GRIK1: variants seen among roughly 807,000 people sequenced by gnomAD.
GRIK1 encodes glutamate ionotropic receptor kainate type subunit 1.
GRIK1 carries 69 observed loss-of-function variants against 105.7 expected under a neutral mutation model. The observed-to-expected ratio is 0.65, with a 90% CI of 0.54 to 0.80. The LOEUF (loss-of-function observed/expected upper bound fraction) is 0.80. Ranked by LOEUF, GRIK1 falls within the 30% of genes least tolerant of loss-of-function variation. GRIK1 has a pLI of 0.00. For missense variants in GRIK1, 1,109 were observed against 1,167.3 expected, an observed-to-expected ratio of 0.95 and a Z score of 0.73; for synonymous variants, 438 against 431.3, an observed-to-expected ratio of 1.02 and a Z score of -0.19.
chr21:29,862,274 C>G (rs968260661), intron 1 of GRIK1, among the ~76,000 whole-genome samples: 4 of 152,196 alleles, frequency 2.6e-5, no homozygotes, highest in African/African-American at 9.7e-5. Flanking sequence ...AGGCATGAAT[C>G]ATCACACCTG....
intron 13 of GRIK1, among the ~76,000 whole-genome samples, chr21:29,579,504 G>T (rs2090968474): frequency 6.6e-6 from 1 of 152,136 alleles, no homozygotes; most frequent in Non-Finnish European, 1.5e-5. Flanking sequence ...CTTTGCTCAC[G>T]CTCTGTAGAA....
At chr21:29,754,121 A>G (rs2065275321) in intron 1 of GRIK1, among the ~76,000 whole-genome samples, 1 of 152,208 alleles carries the variant, frequency 6.6e-6, no homozygotes, top group African/African-American at 2.4e-5. Context: ...TCTGCATAGT[A>G]AAATATTCTA....
intron 1 of GRIK1, among the ~76,000 whole-genome samples, chr21:29,816,293 A>G (rs962349625): frequency 6.6e-6 from 1 of 152,178 alleles, no homozygotes; most frequent in Admixed American, 6.6e-5. Context: ...AAGACAAAAA[A>G]TAGCAAATAC....
intron 1 of GRIK1, among the ~76,000 whole-genome samples, chr21:29,936,963 C>A (rs929898969): frequency 5.0e-4 from 76 of 152,206 alleles, no homozygotes; most frequent in African/African-American, 1.8e-3. Context: ...AATCTAGAGA[C>A]CCTTTTTATT....
chr21:29,791,390 G>A (rs2066410129), intron 1 of GRIK1, among the ~76,000 whole-genome samples: 1 of 152,120 alleles, frequency 6.6e-6, no homozygotes, highest in African/African-American at 2.4e-5. Context: ...TTATAAGAGT[G>A]GAGTCGTTCC....
Position 29,587,192 on chromosome 21 carries a change from A to G in GRIK1, c.1793+174T>C, listed in dbSNP as rs544071687. On this transcript the variant is annotated intron_variant, in intron 12 of 17. Coordinates refer to ENST00000327783, the MANE Select transcript of GRIK1 (RefSeq NM_001330994.2). ...CTCTTTTAAAAGTAACTTTATAAAT[A>G]ATTAGAAAACATTCATTTACAGAAC... Among the ~76,000 whole-genome samples, 11 of 152,332 alleles carry G rather than the reference A, an allele frequency of 7.2e-5. No individual in the cohort carries two copies. The East Asian group carries it at 2.1e-3, about 29-fold the overall frequency.
At chr21:29,836,607 T>C (rs1253394315) in intron 1 of GRIK1, among the ~76,000 whole-genome samples, 2 of 152,146 alleles carry the variant, frequency 1.3e-5, no homozygotes, top group African/African-American at 2.4e-5. Flanking sequence ...AACATGAAAG[T>C]TGGATATTTT....
chr21:29,544,310 A>T (rs573704279), intron 16 of GRIK1, among the ~76,000 whole-genome samples: 5 of 152,296 alleles, frequency 3.3e-5, no homozygotes, highest in South Asian at 4.1e-4. Flanking sequence ...TTAAAAAATG[A>T]TCCTTAAAAA....
intron 1 of GRIK1, among the ~76,000 whole-genome samples, chr21:29,791,434 A>G (rs1461342168): frequency 6.6e-6 from 1 of 152,130 alleles, no homozygotes; most frequent in Non-Finnish European, 1.5e-5. Context: ...GTTGAGTTCC[A>G]GCAAGGACCC....
At chr21:29,648,682 G>A (rs960407189) in intron 6 of GRIK1, among the ~76,000 whole-genome samples, 11 of 151,944 alleles carry the variant, frequency 7.2e-5, no homozygotes, top group Admixed American at 1.3e-4. Context: ...CTGAACAAAC[G>A]AATCAAAATA....
chr21:29,786,656 T>C (rs1379007959), intron 1 of GRIK1, among the ~76,000 whole-genome samples: 1 of 152,230 alleles, frequency 6.6e-6, no homozygotes. Context: ...ATAAATTTCC[T>C]GTGAAACCAG....
At chr21:29,652,470 G>A (rs748212708) in intron 5 of GRIK1, among the ~76,000 whole-genome samples, 1 of 152,092 alleles carries the variant, frequency 6.6e-6, no homozygotes, top group African/African-American at 2.4e-5. Flanking sequence ...TAGAGCACAA[G>A]GTTACATGGA....
Position 29,587,555 on chromosome 21 carries a change from G to T in GRIK1, c.1604C>A (p.Thr535Asn), listed in dbSNP as rs768650361. The T allele has an allele frequency of 1.9e-6, 3 of 1,613,258 alleles. No homozygotes were observed. Among genetic ancestry groups the T allele is most frequent in the African/African-American group, 1.3e-5 (1 of 74,896 alleles). The change falls in exon 12 of 18, where the codon ACC becomes AAC. Residue 535 changes from threonine (T) to asparagine (N), a missense_variant. By Grantham distance (65) the Thr-to-Asn change is moderately conservative. Around this residue, in one of 5 missense-constraint regions of GRIK1, gnomAD observed 54 missense variants for 88.1 expected, o/e 0.61. Transcript: ENST00000327783. ...ADLAVAPLTITYVREKVIDFS... is the reference protein window; with the variant it reads ...ADLAVAPLTINYVREKVIDFS... Reference sequence around the variant, plus strand: ...GTCAATGACTTTCTCCCGCACGTAGGTGATGGTAAGAGGAGCCACTGCCAG... The same window carrying T: ...GTCAATGACTTTCTCCCGCACGTAGTTGATGGTAAGAGGAGCCACTGCCAG...
chr21:29,815,807 G>T (rs995495877), intron 1 of GRIK1, among the ~76,000 whole-genome samples: 7 of 152,006 alleles, frequency 4.6e-5, no homozygotes, highest in Middle Eastern at 3.2e-3. Flanking sequence ...ATTCAGACTA[G>T]ATTAATGACT....
At chr21:29,889,037 A>C (rs553766070) in intron 1 of GRIK1, among the ~76,000 whole-genome samples, 1 of 152,342 alleles carries the variant, frequency 6.6e-6, no homozygotes, top group South Asian at 2.1e-4. Flanking sequence ...TTGACTTCTC[A>C]AGGGCAAAAA....
intron 7 of GRIK1, among the ~76,000 whole-genome samples, chr21:29,634,377 G>A (rs2062350526): frequency 6.6e-6 from 1 of 152,078 alleles, no homozygotes; most frequent in Admixed American, 6.5e-5. Context: ...CATCCCATAA[G>A]CACTGATATT....
At chr21:29,861,364 C>A (rs574552211) in intron 1 of GRIK1, among the ~76,000 whole-genome samples, 5 of 152,062 alleles carry the variant, frequency 3.3e-5, no homozygotes, top group South Asian at 2.1e-4. Context: ...TGGAGTGCAG[C>A]AGTGCAGTCT....
At chr21:29,623,586 G>T (rs572994373) in intron 7 of GRIK1, among the ~76,000 whole-genome samples, 14 of 151,852 alleles carry the variant, frequency 9.2e-5, no homozygotes, top group Non-Finnish European at 1.6e-4. Context: ...TTACTTCTTC[G>T]TTTTTATCTT....
At chr21:29,714,964 A>G (rs553009690) in intron 1 of GRIK1, among the ~76,000 whole-genome samples, 8 of 152,188 alleles carry the variant, frequency 5.3e-5, no homozygotes, top group Non-Finnish European at 2.9e-5. Flanking sequence ...AATTTAGTTG[A>G]TAGTTCATTA....
Sources: allele counts gnomAD v4.1 joint callset (sites outside exome capture counted in the v4.1 genomes callset), GRCh38; gene constraint gnomAD v4.1.1; regional missense constraint gnomAD v4.1.1; transcripts MANE v1.5; gene names NCBI Gene and HGNC (gene_info 2026-07-23, HGNC 2026-07-21).